RAI14: variants seen among roughly 807,000 people sequenced by gnomAD.
RAI14 encodes ankycorbin.
In RAI14, 45 loss-of-function variants were observed where a neutral mutation model predicts 115.4. The observed-to-expected ratio is 0.39, with a 90% CI of 0.31 to 0.50. The LOEUF (loss-of-function observed/expected upper bound fraction) is 0.50, where lower values mean the gene tolerates loss of function less well. Ranked by LOEUF, RAI14 falls within the 20% of genes least tolerant of loss-of-function variation. RAI14 has a pLI of 0.85. For missense variants in RAI14, 939 were observed against 1,131.2 expected, an observed-to-expected ratio of 0.83 and a Z score of 2.44; for synonymous variants, 371 against 415.4, an observed-to-expected ratio of 0.89 and a Z score of 1.30.
chr5:34,678,424 G>A (rs80181402), intron 1 of RAI14, among the ~76,000 whole-genome samples: 2,913 of 152,258 alleles, frequency 0.019, 88 homozygotes, highest in African/African-American at 0.067. Context: ...TTCTCAGAAT[G>A]TACCTGTATT....
intron 2 of RAI14, among the ~76,000 whole-genome samples, chr5:34,695,029 G>T (rs1461699871): frequency 6.6e-6 from 1 of 152,094 alleles, no homozygotes; most frequent in Non-Finnish European, 1.5e-5. Flanking sequence ...CTTCTGAGTA[G>T]CTGTGATCAC....
At chr5:34,805,420 G>T (rs1754757202) in intron 5 of RAI14, among the ~76,000 whole-genome samples, 1 of 152,150 alleles carries the variant, frequency 6.6e-6, no homozygotes, top group Admixed American at 6.5e-5. Flanking sequence ...ATCTCCCTGG[G>T]CTCTCCAGGC....
intron 2 of RAI14, among the ~76,000 whole-genome samples, chr5:34,720,887 C>G (rs775400557): frequency 6.6e-6 from 1 of 151,962 alleles, no homozygotes; most frequent in Non-Finnish European, 1.5e-5. Context: ...AGCTAGTTCT[C>G]ACTATGTTGC....
chr5:34,809,227 TTTA>T (rs957338971), intron 7 of RAI14, among the ~76,000 whole-genome samples: 1 of 152,204 alleles, frequency 6.6e-6, no homozygotes, highest in African/African-American at 2.4e-5. Flanking sequence ...ATATCTCATT[TTTA>T]TTATTATTAT....
intron 2 of RAI14, among the ~76,000 whole-genome samples, chr5:34,749,570 G>C (rs554635084): frequency 6.6e-6 from 1 of 152,222 alleles, no homozygotes; most frequent in Non-Finnish European, 1.5e-5. Context: ...CTAGATGGAG[G>C]CAGGCAAGGC....
At chr5:34,748,657 C>T (rs1018307424) in intron 2 of RAI14, among the ~76,000 whole-genome samples, 6 of 151,966 alleles carry the variant, frequency 3.9e-5, no homozygotes, top group Non-Finnish European at 8.8e-5. Flanking sequence ...CTGGTATTAC[C>T]GTATTTGATC....
At chr5:34,804,835 C>T (rs1013679118) in intron 5 of RAI14, among the ~76,000 whole-genome samples, 7 of 152,204 alleles carry the variant, frequency 4.6e-5, no homozygotes, top group African/African-American at 9.6e-5. Flanking sequence ...AATCATTGCT[C>T]AAGCTCTCTG....
At chr5:34,746,023 G>A (rs1298122384) in intron 2 of RAI14, among the ~76,000 whole-genome samples, 6 of 150,384 alleles carry the variant, frequency 4.0e-5, no homozygotes, top group Non-Finnish European at 1.5e-5. Flanking sequence ...TTCTGCCTTG[G>A]TTGAATCCTC....
intron 2 of RAI14, among the ~76,000 whole-genome samples, chr5:34,706,440 T>G (rs541388356): frequency 2.9e-4 from 44 of 152,350 alleles, no homozygotes; most frequent in Admixed American, 2.0e-3. Context: ...TCTGCTTTTA[T>G]ATGGTTTTTC....
intron 12 of RAI14, among the ~76,000 whole-genome samples, chr5:34,817,889 A>C (rs141124354): frequency 0.031 from 4,651 of 152,332 alleles, 109 homozygotes; most frequent in Non-Finnish European, 0.043. Context: ...TATCTTGACT[A>C]TAGTGTTGGT....
At chr5:34,672,330 C>A (rs1743674633) in intron 1 of RAI14, among the ~76,000 whole-genome samples, 1 of 152,058 alleles carries the variant, frequency 6.6e-6, no homozygotes, top group Non-Finnish European at 1.5e-5. Context: ...AATGCTATTA[C>A]CGTGTAAAAC....
intron 2 of RAI14, among the ~76,000 whole-genome samples, chr5:34,694,465 G>T (rs1738986840): frequency 1.3e-5 from 2 of 152,178 alleles, no homozygotes; most frequent in Non-Finnish European, 2.9e-5. Flanking sequence ...GACTAGACTT[G>T]GCTTTCTTTT....
chr5:34,724,456 C>A lies in RAI14; in HGVS notation c.37-33012C>A, dbSNP rs1338936406. 4.6e-5 allele frequency among the ~76,000 whole-genome samples: 7 copies of A among 152,172 alleles called. No individual in the cohort carries two copies. The East Asian group carries it at 1.4e-3, about 29-fold the overall frequency. On this transcript the variant is annotated intron_variant, in intron 2 of 17. Coordinates refer to ENST00000265109, the MANE Select transcript of RAI14 (RefSeq NM_015577.3). Reference sequence around the variant, plus strand: ...AAAACTAGAATCTAATAAATTGTAACCCACAAATCATATGTGGGCTATCAG... The same window carrying A: ...AAAACTAGAATCTAATAAATTGTAAACCACAAATCATATGTGGGCTATCAG...
intron 2 of RAI14, 133 bp downstream of exon 2, chr5:34,687,088 A>G: frequency 1.2e-6 from 1 of 843,594 alleles, no homozygotes; most frequent in Non-Finnish European, 1.9e-6. Context: ...GCCCCAGCTC[A>G]GGGTAGCTTC....
chr5:34,805,759 T>G lies in RAI14; in HGVS notation c.321+1983T>G, dbSNP rs186783235. On this transcript the variant is annotated intron_variant, in intron 5 of 17. Coordinates refer to ENST00000265109, the MANE Select transcript of RAI14 (RefSeq NM_015577.3). ...GAGAGGCTGAGGCAGGAGAATCACT[T>G]GAACCTGGGAGGTGGAGGTTGCAGA... Among the ~76,000 whole-genome samples the G allele has an allele frequency of 2.1e-3, 326 of 152,262 alleles. 3 individuals carry two copies. The highest frequency in any genetic ancestry group is 7.6e-3 in the African/African-American group (317 of 41,566).
intron 3 of RAI14, among the ~76,000 whole-genome samples, chr5:34,788,600 A>C (rs1752581838): frequency 6.6e-6 from 1 of 152,240 alleles, no homozygotes; most frequent in South Asian, 2.1e-4. Context: ...ACTTGTAAAA[A>C]ATATATAACT....
intron 4 of RAI14, among the ~76,000 whole-genome samples, chr5:34,799,685 A>ATTTTTTTTTTTT (rs57115550): frequency 7.7e-5 from 8 of 103,398 alleles, no homozygotes; most frequent in African/African-American, 3.2e-4. Flanking sequence ...ATCTGTTAGC[A>ATTTTTTTTTTTT]TTTTTTTTTT....
At chr5:34,710,832 CAT>C (rs879761846) in intron 2 of RAI14, among the ~76,000 whole-genome samples, 4 of 152,218 alleles carry the variant, frequency 2.6e-5, no homozygotes, top group South Asian at 2.1e-4. Context: ...AAGTTTCTGA[CAT>C]GTGTTCTTCC....
At chr5:34,757,270 T>G in intron 2 of RAI14, 198 bp from the exon 3 acceptor site, 1 of 648,942 alleles carries the variant, frequency 1.5e-6, no homozygotes, top group Non-Finnish European at 2.8e-6. Context: ...CATTGCACTA[T>G]TTATGTTTTC....
Sources: allele counts gnomAD v4.1 joint callset (sites outside exome capture counted in the v4.1 genomes callset), GRCh38; gene constraint gnomAD v4.1.1; transcripts MANE v1.5; gene names NCBI Gene and HGNC (gene_info 2026-07-23, HGNC 2026-07-21).